SIAH2: variants seen among roughly 807,000 people sequenced by gnomAD.
The protein encoded by SIAH2 is siah E3 ubiquitin protein ligase 2.
In SIAH2, 4 loss-of-function variants were observed where a neutral mutation model predicts 20.4. The observed-to-expected ratio is 0.20, with a 90% CI of 0.10 to 0.45. The LOEUF is 0.45. Ranked by LOEUF, SIAH2 falls within the 20% of genes least tolerant of loss-of-function variation. SIAH2 has a pLI of 0.99. For synonymous variants in SIAH2, 171 were observed against 192.5 expected, an observed-to-expected ratio of 0.89 and a Z score of 0.93; for missense variants, 259 against 440.3, an observed-to-expected ratio of 0.59 and a Z score of 3.69.
chr3:150,762,488 C>A lies in SIAH2; in HGVS notation c.362G>T (p.Ser121Ile). The part of the protein sequence containing the change: ...CPTCRGALTP[S>I]IRNLAMEKVA... ...CTTCTCCATAGCCAGGTTCCTGATG[C>A]TGGGCGTCAGGGCGCCCCTGCACGT... The change falls in exon 1 of 2, where the codon AGC becomes ATC. Residue 121 changes from serine (S) to isoleucine (I), a missense_variant. By Grantham distance (142) the Ser-to-Ile change is moderately radical. Transcript: ENST00000312960. This position sits in a 1 kb window ranked among gnomAD's most constrained non-coding sequence, Gnocchi z 6.6. 6.2e-7 allele frequency: 1 copy of A among 1,613,654 alleles called. No individual in the cohort carries two copies. The highest frequency in any genetic ancestry group is 8.5e-7 in the Non-Finnish European group (1 of 1,179,900).
rs369806232 is a variant in SIAH2 at position 150,742,336 on chromosome 3, G to A, written c.780C>T (p.Asn260=). The change falls in exon 2 of 2, where the codon AAC becomes AAT. Residue 260 remains asparagine (N), a synonymous_variant. Transcript: ENST00000312960. This position sits in a 1 kb window ranked among gnomAD's most constrained non-coding sequence, Gnocchi z 4.8. ...CATTCAACTCCAGTCTGTAGGCAAA[G>A]TTCTCGGCTTGCTTGCGGGTGCCAA... The part of the protein sequence containing the change: ...LLIGTRKQAE[N]FAYRLELNGN... 57 of 1,614,082 alleles carry A rather than the reference G, an allele frequency of 3.5e-5. No homozygotes were observed. The highest frequency in any genetic ancestry group is 1.6e-4 in the Middle Eastern group (1 of 6,084).
At chr3:150,752,152 C>A (rs142734179) in intron 1 of SIAH2, among the ~76,000 whole-genome samples, 2 of 152,198 alleles carry the variant, frequency 1.3e-5, no homozygotes, top group Non-Finnish European at 2.9e-5. Flanking sequence ...CAGTACCACA[C>A]CCACCCTTTC....
At chr3:150,743,513 C>T (rs192495602) in intron 1 of SIAH2, among the ~76,000 whole-genome samples, 19 of 152,292 alleles carry the variant, frequency 1.2e-4, no homozygotes, top group Admixed American at 4.6e-4. Context: ...TTCAAGAGCA[C>T]ATCATTTCAT....
intron 1 of SIAH2, among the ~76,000 whole-genome samples, chr3:150,747,362 C>G (rs1373859318): frequency 6.6e-6 from 1 of 152,218 alleles, no homozygotes; most frequent in East Asian, 1.9e-4. Flanking sequence ...CATACTCCAG[C>G]TAGGGCTTGC....
At chr3:150,760,416 C>T (rs1284290754) in intron 1 of SIAH2, among the ~76,000 whole-genome samples, 2 of 152,202 alleles carry the variant, frequency 1.3e-5, no homozygotes, top group African/African-American at 4.8e-5. Context: ...AAACCACTGA[C>T]ATGTACAGAA....
In SIAH2 at chr3:150,744,158, G is replaced by C. The variant is rs368332898; in HGVS notation, c.418-1460C>G. Among the ~76,000 whole-genome samples, 14 of 152,178 alleles carry C rather than the reference G, an allele frequency of 9.2e-5. No individual in the cohort carries two copies. In the East Asian group the frequency reaches 1.9e-3, roughly 21 times the overall value. ...GCAACAAGCAGATGGTATGCACTATGTGACTTCTCCATACAAGACGCTAAG... is the reference window on the plus strand; with the variant it reads ...GCAACAAGCAGATGGTATGCACTATCTGACTTCTCCATACAAGACGCTAAG... On this transcript the variant is annotated intron_variant, in intron 1 of 1. Transcript: ENST00000312960.
At chr3:150,758,736 ATTTTT>A (rs1249931879) in intron 1 of SIAH2, among the ~76,000 whole-genome samples, 3 of 108,860 alleles carry the variant, frequency 2.8e-5, no homozygotes, top group South Asian at 5.9e-4. Context: ...ACACCTGGCT[ATTTTT>A]TTTTTTTTTT....
intron 1 of SIAH2, among the ~76,000 whole-genome samples, chr3:150,746,556 T>C (rs1258569428): frequency 6.6e-6 from 1 of 152,160 alleles, no homozygotes; most frequent in Non-Finnish European, 1.5e-5. Flanking sequence ...CCGCAGGATG[T>C]TTAGCAGCAT....
At chr3:150,761,692 G>C (rs952543639) in intron 1 of SIAH2, among the ~76,000 whole-genome samples, 5 of 152,034 alleles carry the variant, frequency 3.3e-5, no homozygotes, top group African/African-American at 1.2e-4. Flanking sequence ...TGCATTTTTC[G>C]CAAGGGCATT....
intron 1 of SIAH2, among the ~76,000 whole-genome samples, chr3:150,743,885 C>T (rs1399767527): frequency 6.6e-6 from 1 of 151,970 alleles, no homozygotes. Flanking sequence ...GCCTTAGACC[C>T]CTGGAGCACA....
At position 150,762,294 on chromosome 3, in the gene SIAH2, T is replaced by C; in HGVS notation, c.417+139A>G. 7 of 1,451,438 alleles carry C rather than the reference T, an allele frequency of 4.8e-6. No individual in the cohort carries two copies. Among genetic ancestry groups the C allele is most frequent in the Middle Eastern group, 2.2e-4 (1 of 4,570 alleles). The allele number at this position is 1,451,438 out of a possible 1,614,324, so 89.9% of individuals were successfully genotyped here. ...CACCCAAAGTGGGCTTGAGGGAGGG[T>C]GGACGAAGTGTAAACATTTTTTCTT... On this transcript the variant is annotated intron_variant, in intron 1 of 1. Coordinates refer to ENST00000312960, the MANE Select transcript of SIAH2 (RefSeq NM_005067.7). The surrounding 1 kb of genome is among the most constrained non-coding windows in gnomAD (Gnocchi z 6.6).
intron 1 of SIAH2, among the ~76,000 whole-genome samples, chr3:150,752,276 A>G (rs1714389222): frequency 6.6e-6 from 1 of 152,226 alleles, no homozygotes; most frequent in African/African-American, 2.4e-5. Context: ...CAACGAAAGC[A>G]ACTGAATTCA....
At chr3:150,760,710 C>G (rs529802739) in intron 1 of SIAH2, among the ~76,000 whole-genome samples, 1 of 152,182 alleles carries the variant, frequency 6.6e-6, no homozygotes, top group Admixed American at 6.5e-5. Context: ...TTAGCCGCTG[C>G]GCGTTTAAGG....
intron 1 of SIAH2, among the ~76,000 whole-genome samples, chr3:150,753,002 T>A (rs545624197): frequency 6.6e-6 from 1 of 152,328 alleles, no homozygotes; most frequent in African/African-American, 2.4e-5. Flanking sequence ...GCAAGCAACA[T>A]CCTTCACAAG....
At chr3:150,747,627 T>A (rs1243669254) in intron 1 of SIAH2, among the ~76,000 whole-genome samples, 1 of 151,208 alleles carries the variant, frequency 6.6e-6, no homozygotes, top group African/African-American at 2.4e-5. Flanking sequence ...ACACACACAC[T>A]CTGAAAACTA....
At chr3:150,746,142 T>C (rs1714207251) in intron 1 of SIAH2, among the ~76,000 whole-genome samples, 1 of 152,018 alleles carries the variant, frequency 6.6e-6, no homozygotes, top group African/African-American at 2.4e-5. Context: ...ACCTGTAATC[T>C]CAGCACTTGG....
chr3:150,761,870 G>A (rs1445463688), intron 1 of SIAH2: 4 of 153,428 alleles, frequency 2.6e-5, no homozygotes, highest in Admixed American at 2.6e-4. Flanking sequence ...GGCTAGGAGA[G>A]AAAAAGGCGT....
chr3:150,760,973 T>G (rs903750673), intron 1 of SIAH2, among the ~76,000 whole-genome samples: 1 of 152,264 alleles, frequency 6.6e-6, no homozygotes, highest in Non-Finnish European at 1.5e-5. Context: ...TAAGGTTGCC[T>G]GAAACACCCT....
At position 150,762,851 on chromosome 3, in the gene SIAH2, G is replaced by C; in HGVS notation, c.-2C>G. 3 of 1,205,758 alleles carry C rather than the reference G, an allele frequency of 2.5e-6. No homozygotes were observed. Among genetic ancestry groups the C allele is most frequent in the Non-Finnish European group, 3.1e-6 (3 of 957,586 alleles). The allele number at this position is 1,205,758 out of a possible 1,614,324, so 74.7% of individuals were successfully genotyped here. Reference sequence around the variant, plus strand: ...GCCGGTGGAGGACGGGCGGCTCATCGCGCTCCGAACCAACCATGGAACTGC... The same window carrying C: ...GCCGGTGGAGGACGGGCGGCTCATCCCGCTCCGAACCAACCATGGAACTGC... On this transcript the variant is annotated 5_prime_UTR_variant, in exon 1 of 2. Coordinates refer to ENST00000312960, the MANE Select transcript of SIAH2 (RefSeq NM_005067.7). The surrounding 1 kb of genome is among the most constrained non-coding windows in gnomAD (Gnocchi z 6.6).
Sources: gnomAD v4.1 joint callset for allele counts (sites outside exome capture counted in the v4.1 genomes callset) on GRCh38, gnomAD v4.1.1 for gene constraint, Gnocchi (gnomAD v3.1) non-coding constraint, MANE v1.5 for transcripts, NCBI Gene and HGNC (gene_info 2026-07-23, HGNC 2026-07-21) for gene names.